Variants in RYR2 observed in about 807,000 individuals in gnomAD.
RYR2 encodes the protein ryanodine receptor 2.
Under a neutral mutation model 601.1 loss-of-function variants are expected in RYR2, and 227 were observed. The ratio of observed to expected loss-of-function variants is 0.38; its 90% CI spans 0.34 to 0.42. The LOEUF is 0.42. Among genes scored for constraint, RYR2 ranks in the 10% least tolerant of loss-of-function variants. The pLI is 1.00. For missense variants in RYR2, 4,646 were observed against 6,156.5 expected (o/e 0.75, Z 8.21); for synonymous variants, 2,223 against 2,175.1 (o/e 1.02, Z -0.61).
intron 17 of RYR2, among the ~76,000 whole-genome samples, chr1:237,490,878 T>A (rs934072899): frequency 7.9e-5 from 12 of 152,104 alleles, no homozygotes; most frequent in African/African-American, 2.7e-4. Context: ...TTAACTCCAT[T>A]TGAGATGTAT....
At chr1:237,537,791 A>G (rs1412493978) in intron 25 of RYR2, among the ~76,000 whole-genome samples, 1 of 152,238 alleles carries the variant, frequency 6.6e-6, no homozygotes, top group South Asian at 2.1e-4. Context: ...GTTTAAGAAC[A>G]TAAAATATAA....
At chr1:237,220,414 T>C (rs753760445) in intron 1 of RYR2, among the ~76,000 whole-genome samples, 8 of 152,158 alleles carry the variant, frequency 5.3e-5, no homozygotes, top group Non-Finnish European at 1.0e-4. Context: ...TTGGCTGCCT[T>C]GCTTCTGAGG....
chr1:237,056,243 G>C (rs1048781019), intron 1 of RYR2, among the ~76,000 whole-genome samples: 4 of 147,952 alleles, frequency 2.7e-5, no homozygotes, highest in African/African-American at 5.2e-5. Context: ...CTGCACCTGT[G>C]AGGACTGGAA....
chr1:237,055,089 G>A (rs1661815338), intron 1 of RYR2, among the ~76,000 whole-genome samples: 1 of 152,116 alleles, frequency 6.6e-6, no homozygotes, highest in Non-Finnish European at 1.5e-5. Context: ...CCGCACCTTG[G>A]TAAATGATCC....
chr1:237,763,984 T>G (rs1411723472), intron 84 of RYR2, among the ~76,000 whole-genome samples: 1 of 152,238 alleles, frequency 6.6e-6, no homozygotes, highest in Non-Finnish European at 1.5e-5. Flanking sequence ...GTCACTTGCT[T>G]CAACACTTGA....
In RYR2 at chr1:237,654,360, A is replaced by G. The variant is rs753641610; in HGVS notation, c.7911A>G (p.Glu2637=). Residue 2637 remains glutamate (E), a synonymous_variant, in exon 52 of 105, where the codon GAA becomes GAG. Transcript: ENST00000366574. The part of the protein sequence containing the change: ...WGNFGAASEE[E]LHLSRKLFWG... ...ACTTTGGTGCTGCCTCAGAAGAAGA[A>G]CTTCATTTATCAAGAAAGTTGTTCT... 2 of 1,613,828 alleles carry G rather than the reference A, an allele frequency of 1.2e-6. No homozygotes were observed. The highest frequency in any genetic ancestry group is 3.3e-5 in the Admixed American group (2 of 60,008).
At chr1:237,564,875 C>T (rs1372656370) in intron 27 of RYR2, among the ~76,000 whole-genome samples, 1 of 152,178 alleles carries the variant, frequency 6.6e-6, no homozygotes, top group Admixed American at 6.5e-5. Context: ...CCATCTCATG[C>T]TACAGCCATG....
chr1:237,548,965 T>C (rs775258259), intron 26 of RYR2, among the ~76,000 whole-genome samples: 3 of 152,198 alleles, frequency 2.0e-5, no homozygotes, highest in Non-Finnish European at 4.4e-5. Context: ...CACATAAATT[T>C]CAGAATTCAG....
chr1:237,590,716 G>A lies in RYR2; in HGVS notation c.3884G>A (p.Ser1295Asn). 5 of 1,609,148 alleles carry A rather than the reference G, an allele frequency of 3.1e-6. No homozygotes were observed. Among genetic ancestry groups the A allele is most frequent in the Non-Finnish European group, 3.4e-6 (4 of 1,176,596 alleles). Reference sequence around the variant, plus strand: ...CAGAAGTCTTTTGGTTCTCAGAACAGCAACACTGATATCATGTTTTATCGC... The same window carrying A: ...CAGAAGTCTTTTGGTTCTCAGAACAACAACACTGATATCATGTTTTATCGC... ...VTQKSFGSQN[S>N]NTDIMFYRLS... The change falls in exon 31 of 105, where the codon AGC becomes AAC. Residue 1295 changes from serine (S) to asparagine (N), a missense_variant. By Grantham distance (46) the Ser-to-Asn change is conservative (BLOSUM62 1). Around this residue, in one of 17 missense-constraint regions of RYR2, gnomAD observed 1,807 missense variants for 2,088.1 expected, o/e 0.87. Coordinates refer to ENST00000366574, the MANE Select transcript of RYR2 (RefSeq NM_001035.3).
Position 237,699,287 on chromosome 1 carries a change from G to A in RYR2, c.9128+262G>A, listed in dbSNP as rs4427395. On this transcript the variant is annotated intron_variant, in intron 64 of 104. Transcript: ENST00000366574. ...GAGGGTTGAACTGGTAATGTATCACGCAGGAAAAATGGTAATCTGACAACT... is the reference window on the plus strand; with the variant it reads ...GAGGGTTGAACTGGTAATGTATCACACAGGAAAAATGGTAATCTGACAACT... Among the ~76,000 whole-genome samples the A allele has an allele frequency of 0.54, 81,475 of 151,962 alleles. 25,669 individuals carry two copies. The highest frequency in any genetic ancestry group is 0.72 in the Middle Eastern group (209 of 292).
chr1:237,372,137 G>T (rs999359175), intron 6 of RYR2, among the ~76,000 whole-genome samples: 4 of 152,162 alleles, frequency 2.6e-5, no homozygotes, highest in Non-Finnish European at 5.9e-5. Flanking sequence ...GTGATAATTT[G>T]ATTTTAATTG....
chr1:237,731,668 C>A (rs1318396512), intron 77 of RYR2, among the ~76,000 whole-genome samples: 1 of 151,992 alleles, frequency 6.6e-6, no homozygotes. Flanking sequence ...TATAAGTTAT[C>A]CCTGCTCATA....
At chr1:237,687,253 T>G (rs1419626684) in intron 62 of RYR2, among the ~76,000 whole-genome samples, 3 of 152,042 alleles carry the variant, frequency 2.0e-5, no homozygotes, top group Non-Finnish European at 4.4e-5. Flanking sequence ...CAAAGACTCT[T>G]TCTTTAATAC....
intron 87 of RYR2, among the ~76,000 whole-genome samples, chr1:237,775,350 T>G (rs1467703727): frequency 6.6e-6 from 1 of 152,184 alleles, no homozygotes; most frequent in Non-Finnish European, 1.5e-5. Flanking sequence ...TATTTTGATT[T>G]TACTAGTTTT....
intron 1 of RYR2, among the ~76,000 whole-genome samples, chr1:237,048,045 T>C (rs1378037067): frequency 6.6e-6 from 1 of 152,172 alleles, no homozygotes; most frequent in Non-Finnish European, 1.5e-5. Flanking sequence ...CTGTTTAGAC[T>C]TCCCTCTTGC....
chr1:237,299,727 C>T (rs1228474133), intron 2 of RYR2, among the ~76,000 whole-genome samples: 1 of 152,098 alleles, frequency 6.6e-6, no homozygotes, highest in Non-Finnish European at 1.5e-5. Context: ...TAATATCCTC[C>T]TAGGGGCTTT....
chr1:237,610,691 T>A lies in RYR2; in HGVS notation c.4684-71T>A, dbSNP rs1677742584. The A allele has an allele frequency of 2.4e-6, 3 of 1,239,884 alleles. No homozygotes were observed. In the East Asian group the frequency reaches 7.6e-5, roughly 32 times the overall value. The allele number at this position is 1,239,884 out of a possible 1,614,324, so 76.8% of individuals were successfully genotyped here. On this transcript the variant is annotated intron_variant, in intron 35 of 104. Coordinates refer to ENST00000366574, the MANE Select transcript of RYR2 (RefSeq NM_001035.3). The surrounding 1 kb of genome is among the most constrained non-coding windows in gnomAD (Gnocchi z 4.9). ...TTCCCTGTCTCTGTCCTGTGCAGAA[T>A]TCTAGTCATTACTTTGTGAACCCCA...
At position 237,569,037 on chromosome 1, in the gene RYR2, A is replaced by G. The variant is rs1672382578; in HGVS notation, c.3424-108A>G. 11 of 881,098 alleles carry G rather than the reference A, an allele frequency of 1.2e-5. No individual in the cohort carries two copies. The East Asian group carries it at 2.1e-4, about 17-fold the overall frequency. The allele number at this position is 881,098 out of a possible 1,614,324, so 54.6% of individuals were successfully genotyped here. On this transcript the variant is annotated intron_variant, in intron 28 of 104. Transcript: ENST00000366574. ...CGATATGCCAGCTGGAGTTTCTCCT[A>G]CTGTTGTGTTGATAGAAGGGACTGC...
intron 27 of RYR2, among the ~76,000 whole-genome samples, chr1:237,560,251 G>T (rs1671314738): frequency 6.6e-6 from 1 of 152,174 alleles, no homozygotes; most frequent in Non-Finnish European, 1.5e-5. Flanking sequence ...AAACTTTTTG[G>T]TCAGTTGCTG....
Sources: gnomAD v4.1 joint callset for allele counts (sites outside exome capture counted in the v4.1 genomes callset) on GRCh38, gnomAD v4.1.1 for gene constraint, gnomAD v4.1.1 regional missense constraint, Gnocchi (gnomAD v3.1) non-coding constraint, MANE v1.5 for transcripts, NCBI Gene and HGNC (gene_info 2026-07-23, HGNC 2026-07-21) for gene names.